UMAD1: variants seen among roughly 807,000 people sequenced by gnomAD.
UMAD1 encodes the protein UBAP1-MVB12-associated (UMA)-domain containing protein 1.
UMAD1 carries 8 observed loss-of-function variants against 6.1 expected under a neutral mutation model. The ratio of observed to expected loss-of-function variants is 1.30; its 90% confidence interval spans 0.76 to 2.35. The LOEUF (loss-of-function observed/expected upper bound fraction) is 2.35. Among genes scored for constraint, UMAD1 ranks in the 30% most tolerant of loss-of-function variants. UMAD1 has a pLI of 0.00. For synonymous variants in UMAD1, 56 were observed against 31.4 expected (o/e 1.78, Z -2.61); for missense variants, 130 against 78.4 (o/e 1.66, Z -2.49).
chr7:7,754,057 C>A (rs1260195904), intron 2 of UMAD1, among the ~76,000 whole-genome samples: 1 of 152,008 alleles, frequency 6.6e-6, no homozygotes, highest in African/African-American at 2.4e-5. Context: ...TGGTGGCGGG[C>A]GCCTGTAATC....
At chr7:7,792,462 T>C (rs1366621519) in intron 2 of UMAD1, among the ~76,000 whole-genome samples, 2 of 152,226 alleles carry the variant, frequency 1.3e-5, no homozygotes, top group Non-Finnish European at 2.9e-5. Context: ...CTAAACTGAA[T>C]TGGAAGAGAT....
At chr7:7,688,506 A>C (rs1438535913) in intron 2 of UMAD1, among the ~76,000 whole-genome samples, 1 of 152,162 alleles carries the variant, frequency 6.6e-6, no homozygotes, top group Non-Finnish European at 1.5e-5. Flanking sequence ...TTCCTCATGC[A>C]GAGTGCCCAG....
chr7:7,839,821 A>C (rs947209599), intron 3 of UMAD1, among the ~76,000 whole-genome samples: 17 of 152,302 alleles, frequency 1.1e-4, no homozygotes, highest in African/African-American at 3.6e-4. Flanking sequence ...TGGGAAGATG[A>C]AGATCACATC....
intron 2 of UMAD1, among the ~76,000 whole-genome samples, chr7:7,693,680 G>C (rs1780235091): frequency 6.6e-6 from 1 of 151,914 alleles, no homozygotes. Flanking sequence ...TTTATGCCTT[G>C]TTTATTTTAT....
At position 7,859,513 on chromosome 7, in the gene UMAD1, C is replaced by T. The variant is rs546955597; in HGVS notation, c.157-17768C>T. Among the ~76,000 whole-genome samples, 110 of 152,198 alleles carry T rather than the reference C, an allele frequency of 7.2e-4. 1 individual carries two copies. In the South Asian group the frequency reaches 0.013, roughly 19 times the overall value. On this transcript the variant is annotated intron_variant, in intron 3 of 3. Transcript: ENST00000682710. ...AGTACTATTTCCTTAAGAATTTTTACTATTGCAGATTTGTGGTCTAAGTCT... is the reference window on the plus strand; with the variant it reads ...AGTACTATTTCCTTAAGAATTTTTATTATTGCAGATTTGTGGTCTAAGTCT...
At chr7:7,768,038 C>T (rs1201657805) in intron 2 of UMAD1, among the ~76,000 whole-genome samples, 3 of 151,932 alleles carry the variant, frequency 2.0e-5, no homozygotes. Flanking sequence ...CATGACTTTC[C>T]TATCTTAGAA....
At chr7:7,810,304 A>G (rs532028174) in intron 3 of UMAD1, among the ~76,000 whole-genome samples, 4 of 152,212 alleles carry the variant, frequency 2.6e-5, no homozygotes, top group African/African-American at 7.2e-5. Flanking sequence ...GGCAATAGGT[A>G]TTAAGAGCCA....
intron 2 of UMAD1, among the ~76,000 whole-genome samples, chr7:7,712,592 G>T (rs1384379981): frequency 6.6e-6 from 1 of 152,040 alleles, no homozygotes; most frequent in Non-Finnish European, 1.5e-5. Context: ...AGATTCTTTT[G>T]AATTTTCTAA....
intron 2 of UMAD1, among the ~76,000 whole-genome samples, chr7:7,706,401 A>G (rs978730219): frequency 6.6e-6 from 1 of 152,190 alleles, no homozygotes; most frequent in African/African-American, 2.4e-5. Context: ...AGTTCAGGAA[A>G]TACCAACAGA....
intron 2 of UMAD1, among the ~76,000 whole-genome samples, chr7:7,790,713 C>A (rs1363923046): frequency 6.6e-6 from 1 of 152,184 alleles, no homozygotes; most frequent in Admixed American, 6.5e-5. Context: ...GCAGTAATTT[C>A]TCACGTTCAT....
At chr7:7,841,917 C>A (rs918746915) in intron 3 of UMAD1, among the ~76,000 whole-genome samples, 1 of 152,088 alleles carries the variant, frequency 6.6e-6, no homozygotes, top group African/African-American at 2.4e-5. Flanking sequence ...AATAAAAGAT[C>A]TAATTTAAAA....
rs143893773 is a variant in UMAD1, at chr7:7,871,908, C to G, written c.157-5373C>G. The stretch of plus-strand genomic sequence containing the variant: ...TAAATATTGCTGCTGGAGAGTTAAG[C>G]CTTAGGCACTGCGTGTTTCAAGAGG... On this transcript the variant is annotated intron_variant, in intron 3 of 3. Transcript: ENST00000682710. Among the ~76,000 whole-genome samples the G allele has an allele frequency of 7.3e-5, 11 of 151,424 alleles. 1 individual carries two copies. The South Asian group carries it at 1.3e-3, about 17-fold the overall frequency.
At chr7:7,835,696 A>G (rs1380849591) in intron 3 of UMAD1, among the ~76,000 whole-genome samples, 1 of 151,774 alleles carries the variant, frequency 6.6e-6, no homozygotes, top group Non-Finnish European at 1.5e-5. Flanking sequence ...ATTATTTGTC[A>G]GTTAATAAAG....
rs56380429 is a variant in UMAD1, at chr7:7,867,897, A to G, written c.157-9384A>G. Among the ~76,000 whole-genome samples, 53 of 152,258 alleles carry G rather than the reference A, an allele frequency of 3.5e-4. No individual in the cohort carries two copies. The East Asian group carries it at 0.01, about 29-fold the overall frequency. ...AAGAGTTTGCACTGGGTGGATCTGC[A>G]GCCCTGGAAGCTCTGGGGAAGGGGT... On this transcript the variant is annotated intron_variant, in intron 3 of 3. Coordinates refer to ENST00000682710, the MANE Select transcript of UMAD1 (RefSeq NM_001302348.2).
intron 3 of UMAD1, among the ~76,000 whole-genome samples, chr7:7,842,583 A>G (rs1487318348): frequency 6.6e-6 from 1 of 152,076 alleles, no homozygotes; most frequent in African/African-American, 2.4e-5. Flanking sequence ...GGTATTGAGT[A>G]AAATGTGGCA....
At chr7:7,838,578 T>A (rs59745042) in intron 3 of UMAD1, among the ~76,000 whole-genome samples, 8,254 of 152,290 alleles carry the variant, frequency 0.054, 478 homozygotes, top group East Asian at 0.22. Flanking sequence ...GATTCTTTCA[T>A]GATCCAGCAA....
intron 2 of UMAD1, among the ~76,000 whole-genome samples, chr7:7,684,864 A>C (rs1780004699): frequency 6.6e-6 from 1 of 152,196 alleles, no homozygotes; most frequent in African/African-American, 2.4e-5. Context: ...TGACTGTTTC[A>C]CTATGGTACT....
At chr7:7,716,733 C>G (rs1228197243) in intron 2 of UMAD1, among the ~76,000 whole-genome samples, 1 of 152,196 alleles carries the variant, frequency 6.6e-6, no homozygotes, top group Non-Finnish European at 1.5e-5. Flanking sequence ...ATCACGAGGT[C>G]AGGAGATCGA....
intron 3 of UMAD1, among the ~76,000 whole-genome samples, chr7:7,862,951 C>T (rs887812584): frequency 6.6e-6 from 1 of 151,996 alleles, no homozygotes; most frequent in African/African-American, 2.4e-5. Context: ...TCTAGGTAAA[C>T]TTCAGTAAAA....
Sources: allele counts gnomAD v4.1 joint callset (sites outside exome capture counted in the v4.1 genomes callset), GRCh38; gene constraint gnomAD v4.1.1; transcripts MANE v1.5; gene names NCBI Gene and HGNC (gene_info 2026-07-23, HGNC 2026-07-21).